The following ZFHX4 variants were observed in gnomAD, a reference collection of about 807,000 sequenced individuals.
The protein encoded by ZFHX4 is zinc finger homeobox protein 4.
ZFHX4 carries 56 observed loss-of-function variants against 267.6 expected under a neutral mutation model. The observed-to-expected ratio is 0.21, with a 90% confidence interval of 0.17 to 0.26. The LOEUF is 0.26. ZFHX4 is among the 10% of genes least tolerant of loss of function. The probability of loss-of-function intolerance (pLI) is 1.00; values close to 1 mark genes in which losing one functional copy is unlikely to be tolerated. For synonymous variants in ZFHX4, 1,778 were observed against 1,665.6 expected (o/e 1.07, Z -1.64); for missense variants, 4,332 against 4,420.0 (o/e 0.98, Z 0.56).
At position 76,855,427 on chromosome 8, in the gene ZFHX4, G is replaced by T. The variant is rs754367335; in HGVS notation, c.8506G>T (p.Ala2836Ser). 9 of 1,613,448 alleles carry T rather than the reference G, an allele frequency of 5.6e-6. No homozygotes were observed. The highest frequency in any genetic ancestry group is 7.6e-6 in the Non-Finnish European group (9 of 1,179,796). Residue 2836 changes from alanine to serine, a missense_variant, in exon 10 of 11, where the codon GCT becomes TCT. By Grantham distance (99) the Ala-to-Ser change is moderately conservative. Transcript: ENST00000651372. ...TTGSSGDVKP[A>S]LSPKEPKTLD... Reference sequence around the variant, plus strand: ...AGGAAGTTCCGGAGATGTGAAACCGGCTTTGTCTCCCAAAGAGCCAAAAAC... The same window carrying T: ...AGGAAGTTCCGGAGATGTGAAACCGTCTTTGTCTCCCAAAGAGCCAAAAAC...
rs570951954 is a variant in ZFHX4 at position 76,866,737 on chromosome 8, A to G, written c.*2172A>G. 2.8e-4 allele frequency: 42 copies of G among 152,508 alleles called. No homozygotes were observed. The highest frequency in any genetic ancestry group is 1.0e-3 in the African/African-American group (42 of 41,568). The allele number at this position is 152,508 out of a possible 1,614,324, so 9.4% of individuals were successfully genotyped here. On this transcript the variant is annotated 3_prime_UTR_variant, in exon 11 of 11. Transcript: ENST00000651372. ...TTCACAAAACAAAGGACTGTTTTAC[A>G]AATGATTATTCCGACAGTGTGTCGA...
chr8:76,812,364 T>C (rs1811399877), intron 4 of ZFHX4, among the ~76,000 whole-genome samples: 1 of 152,214 alleles, frequency 6.6e-6, no homozygotes, highest in Admixed American at 6.5e-5. Context: ...GTGAAACTCA[T>C]GAAACTTTTA....
At chr8:76,843,024 A>G (rs535783857) in intron 6 of ZFHX4, among the ~76,000 whole-genome samples, 14 of 152,344 alleles carry the variant, frequency 9.2e-5, no homozygotes, top group Admixed American at 5.9e-4. Flanking sequence ...ATATTACAGG[A>G]CGACCAGTGA....
chr8:76,850,231 T>G lies in ZFHX4; in HGVS notation c.3847-14T>G. Reference sequence around the variant, plus strand: ...CTGGGGTACATTTAACATAAACCCCTTTGGTTTCCAAAGGTGCCTGTCCCT... The same window carrying G: ...CTGGGGTACATTTAACATAAACCCCGTTGGTTTCCAAAGGTGCCTGTCCCT... On this transcript the variant is annotated splice_polypyrimidine_tract_variant and intron_variant, in intron 8 of 10. Transcript: ENST00000651372. 2.5e-6 allele frequency: 4 copies of G among 1,602,392 alleles called. No individual in the cohort carries two copies. The highest frequency in any genetic ancestry group is 3.4e-6 in the Non-Finnish European group (4 of 1,173,298).
chr8:76,799,982 C>A (rs1203554821), intron 4 of ZFHX4, among the ~76,000 whole-genome samples: 1 of 152,032 alleles, frequency 6.6e-6, no homozygotes, highest in African/African-American at 2.4e-5. Flanking sequence ...GGGGCTTATT[C>A]TTTGTAACAC....
intron 1 of ZFHX4, chr8:76,693,409 GCA>G (rs1807871566): frequency 6.6e-6 from 1 of 152,082 alleles, no homozygotes; most frequent in Non-Finnish European, 1.5e-5. Flanking sequence ...AAGGGATATA[GCA>G]CAATCCCCTT....
At chr8:76,744,183 T>G (rs533167963) in intron 3 of ZFHX4, among the ~76,000 whole-genome samples, 7 of 152,030 alleles carry the variant, frequency 4.6e-5, no homozygotes, top group African/African-American at 1.7e-4. Context: ...CTGTCTCTAC[T>G]AAAAATACAA....
chr8:76,806,453 GA>G (rs1811247975), intron 4 of ZFHX4, among the ~76,000 whole-genome samples: 1 of 152,026 alleles, frequency 6.6e-6, no homozygotes, highest in African/African-American at 2.4e-5. Flanking sequence ...TGGGATTAAT[GA>G]CACAGAAAAA....
chr8:76,779,134 T>C (rs745665799), intron 4 of ZFHX4, among the ~76,000 whole-genome samples: 1 of 152,142 alleles, frequency 6.6e-6, no homozygotes, highest in Non-Finnish European at 1.5e-5. Context: ...AAACTACCCA[T>C]ATTGGAATTA....
chr8:76,852,933 C>A lies in ZFHX4; in HGVS notation c.6012C>A (p.Pro2004=). The stretch of plus-strand genomic sequence containing the variant: ...CTCCATCTTCTCCAGAAACGCCGCC[C>A]CCGCCACCTCCTCCTCCTCCCTTGC... ...PISPSSPETP[P]PPPPPPPLPP... is the part of the protein sequence containing the mutation. The change falls in exon 10 of 11, where the codon CCC becomes CCA. Residue 2004 remains proline (P), a synonymous_variant. Coordinates refer to ENST00000651372, the MANE Select transcript of ZFHX4 (RefSeq NM_024721.5). The A allele has an allele frequency of 3.1e-6, 5 of 1,589,488 alleles. No homozygotes were observed. The highest frequency in any genetic ancestry group is 4.3e-6 in the Non-Finnish European group (5 of 1,167,346).
In ZFHX4 at chr8:76,842,757, C is replaced by T; in HGVS notation, c.3497C>T (p.Ser1166Phe). The change falls in exon 6 of 11, where the codon TCT becomes TTT. Residue 1166 changes from serine (S) to phenylalanine (F), a missense_variant. This residue lies in a region of ZFHX4 where 1,371 missense variants were observed against 1,423.1 expected (regional missense o/e 0.96). Transcript: ENST00000651372. ...SERDNSEGKN[S>F]NKDSGIITPE... ...AGAGACAATAGTGAAGGCAAAAACT[C>T]TAATAAAGACTCTGGTAAGATGCAA... 1.3e-6 allele frequency: 2 copies of T among 1,550,804 alleles called. No homozygotes were observed. The highest frequency in any genetic ancestry group is 1.7e-6 in the Non-Finnish European group (2 of 1,146,252).
chr8:76,801,654 A>T (rs948493229), intron 4 of ZFHX4, among the ~76,000 whole-genome samples: 1 of 152,164 alleles, frequency 6.6e-6, no homozygotes. Context: ...CATGCTAATA[A>T]CCACGTACTT....
chr8:76,842,828 AC>A, intron 6 of ZFHX4, 57 bp downstream of exon 6: 1 of 1,274,658 alleles, frequency 7.8e-7, no homozygotes, highest in Middle Eastern at 1.9e-4. Flanking sequence ...CCTGCCATCA[AC>A]TCTTCCTTCA....
intron 3 of ZFHX4, among the ~76,000 whole-genome samples, chr8:76,772,829 A>G (rs935720865): frequency 6.6e-6 from 1 of 152,072 alleles, no homozygotes; most frequent in Non-Finnish European, 1.5e-5. Flanking sequence ...TTGCCTGTAG[A>G]TGATATACTT....
intron 3 of ZFHX4, among the ~76,000 whole-genome samples, chr8:76,768,959 G>A (rs1347690766): frequency 6.6e-6 from 1 of 152,140 alleles, no homozygotes; most frequent in African/African-American, 2.4e-5. Flanking sequence ...TGAGCTAGGT[G>A]TGGTGGTGCA....
chr8:76,724,741 C>T (rs1024413744), intron 3 of ZFHX4, among the ~76,000 whole-genome samples: 17 of 152,120 alleles, frequency 1.1e-4, no homozygotes, highest in African/African-American at 3.9e-4. Flanking sequence ...AATCCACTTC[C>T]TTTGTACATG....
intron 4 of ZFHX4, among the ~76,000 whole-genome samples, chr8:76,806,933 T>TGTTA (rs1298538883): frequency 6.6e-6 from 1 of 152,062 alleles, no homozygotes; most frequent in Non-Finnish European, 1.5e-5. Flanking sequence ...TTAAGCCAAT[T>TGTTA]GTTACTACTC....
intron 6 of ZFHX4, among the ~76,000 whole-genome samples, 183 bp from the exon 7 acceptor site, chr8:76,848,812 C>T (rs201326435): frequency 6.6e-6 from 1 of 152,086 alleles, no homozygotes; most frequent in East Asian, 1.9e-4. Flanking sequence ...TTATAAAGTC[C>T]ACTTAGTCAG....
At chr8:76,773,349 A>G (rs775773511) in intron 3 of ZFHX4, among the ~76,000 whole-genome samples, 1 of 152,212 alleles carries the variant, frequency 6.6e-6, no homozygotes, top group Non-Finnish European at 1.5e-5. Flanking sequence ...AGGATTTAAA[A>G]TGTTGCAGAA....
Sources: allele counts gnomAD v4.1 joint callset (sites outside exome capture counted in the v4.1 genomes callset), GRCh38; gene constraint gnomAD v4.1.1; regional missense constraint gnomAD v4.1.1; transcripts MANE v1.5; gene names NCBI Gene and HGNC (gene_info 2026-07-23, HGNC 2026-07-21).